Variants in DSCAML1 observed in about 807,000 individuals in gnomAD.
DSCAML1 encodes the protein cell adhesion molecule DSCAML1.
A neutral mutation model predicts 200.5 loss-of-function variants in DSCAML1; 38 were observed. That is an observed-to-expected ratio of 0.19 (90% CI 0.15 to 0.25). The LOEUF (loss-of-function observed/expected upper bound fraction) is 0.25. Ranked by LOEUF, DSCAML1 falls within the 10% of genes least tolerant of loss-of-function variation. The pLI is 1.00. For missense variants in DSCAML1, 2,223 were observed against 2,858.8 expected, an observed-to-expected ratio of 0.78 and a Z score of 5.07; for synonymous variants, 1,215 against 1,165.0, an observed-to-expected ratio of 1.04 and a Z score of -0.87.
At chr11:117,797,323 C>T (rs1172470228), upstream of DSCAML1, 36 of 1,281,700 alleles carry the variant, frequency 2.8e-5, no homozygotes, top group Non-Finnish European at 3.5e-5. Flanking sequence ...TGGTGAGCGC[C>T]GCGCGAGCCC....
intron 2 of DSCAML1, among the ~76,000 whole-genome samples, chr11:117,778,129 G>C (rs919844488): frequency 6.6e-6 from 1 of 152,126 alleles, no homozygotes; most frequent in African/African-American, 2.4e-5. Context: ...GGCTCTTCCC[G>C]GCCCTCCCTC....
intron 3 of DSCAML1, among the ~76,000 whole-genome samples, chr11:117,717,247 C>G: frequency 6.6e-6 from 1 of 152,122 alleles, no homozygotes; most frequent in East Asian, 1.9e-4. Context: ...CTGTGCCCAC[C>G]CTACCGGTCC....
At chr11:117,611,335 T>G (rs982345038) in intron 3 of DSCAML1, 1 of 152,230 alleles carries the variant, frequency 6.6e-6, no homozygotes, top group South Asian at 2.1e-4. Flanking sequence ...GCCAAGGTCT[T>G]GGAGTATGGT....
chr11:117,758,290 A>G (rs1454072277), intron 3 of DSCAML1, among the ~76,000 whole-genome samples: 1 of 143,444 alleles, frequency 7.0e-6, no homozygotes, highest in Middle Eastern at 3.4e-3. Context: ...ACAGAGTGAG[A>G]CTCCATCTCA....
In DSCAML1 at chr11:117,481,422, A is replaced by G. The variant is rs571383140; in HGVS notation, c.2560-152T>C. ...GGCTTTGTCAAGGGCTTCTCTTCCC[A>G]GGGACTTCCAAAGATGGAAGTATGG... On this transcript the variant is annotated intron_variant, in intron 12 of 32. Coordinates refer to ENST00000651296, the MANE Select transcript of DSCAML1 (RefSeq NM_020693.4). 1,168 of 668,550 alleles carry G rather than the reference A, an allele frequency of 1.7e-3. 25 individuals carry two copies. In the Admixed American group the frequency reaches 0.027, roughly 15 times the overall value. 41.4% of individuals were successfully genotyped at this position (668,550 alleles called of 1,614,324 possible).
chr11:117,595,777 TAAAA>T (rs879261803), intron 3 of DSCAML1, among the ~76,000 whole-genome samples: 2 of 143,084 alleles, frequency 1.4e-5, no homozygotes, highest in Non-Finnish European at 1.5e-5. Flanking sequence ...CATGTATGGC[TAAAA>T]AAAAAAAAGT....
intron 3 of DSCAML1, among the ~76,000 whole-genome samples, chr11:117,740,181 T>C (rs1428442109): frequency 2.0e-5 from 3 of 152,116 alleles, no homozygotes; most frequent in Non-Finnish European, 4.4e-5. Context: ...CCCTTACATA[T>C]ATTATTTTAC....
intron 3 of DSCAML1, among the ~76,000 whole-genome samples, chr11:117,758,488 G>A (rs926826873): frequency 1.3e-5 from 2 of 151,744 alleles, no homozygotes; most frequent in African/African-American, 4.8e-5. Context: ...TGCAAGCTCT[G>A]CCTCCCGGGT....
chr11:117,702,018 G>A (rs1352662915), intron 3 of DSCAML1, among the ~76,000 whole-genome samples: 1 of 152,056 alleles, frequency 6.6e-6, no homozygotes, highest in East Asian at 1.9e-4. Context: ...CCAACCCCCT[G>A]ACCTGGTACC....
chr11:117,480,345 T>G lies in DSCAML1; in HGVS notation c.2785+98A>C. ...TGTGTCTAGCTTGGATGGGCAGCCC[T>G]AAGGCTCAGGGGCTCTCCTCCCAGA... On this transcript the variant is annotated intron_variant, in intron 14 of 32. Coordinates refer to ENST00000651296, the MANE Select transcript of DSCAML1 (RefSeq NM_020693.4). The surrounding 1 kb of genome is among the most constrained non-coding windows in gnomAD (Gnocchi z 4.1). 1.9e-6 allele frequency: 3 copies of G among 1,538,972 alleles called. No individual in the cohort carries two copies. The highest frequency in any genetic ancestry group is 2.5e-5 in the South Asian group (2 of 80,538).
At chr11:117,630,733 C>G (rs1035244043) in intron 3 of DSCAML1, among the ~76,000 whole-genome samples, 1 of 148,050 alleles carries the variant, frequency 6.8e-6, no homozygotes, top group Non-Finnish European at 1.5e-5. Flanking sequence ...AACAGGAAGC[C>G]AAGTGACTCC....
chr11:117,624,282 G>A (rs1277278577), intron 3 of DSCAML1, among the ~76,000 whole-genome samples: 1 of 152,124 alleles, frequency 6.6e-6, no homozygotes, highest in Non-Finnish European at 1.5e-5. Flanking sequence ...CCACCTCAGC[G>A]AGGCCTGCAA....
chr11:117,757,887 G>A (rs942591126), intron 3 of DSCAML1, among the ~76,000 whole-genome samples: 3 of 152,176 alleles, frequency 2.0e-5, no homozygotes, highest in African/African-American at 7.2e-5. Context: ...CTACTCAGGA[G>A]GCTGAGTCAG....
At chr11:117,652,964 G>A (rs1013380578) in intron 3 of DSCAML1, among the ~76,000 whole-genome samples, 3 of 152,096 alleles carry the variant, frequency 2.0e-5, no homozygotes, top group South Asian at 4.2e-4. Flanking sequence ...TCTCTCCAAT[G>A]CTATTCCTAG....
chr11:117,780,878 G>A lies in DSCAML1; in HGVS notation c.47-68C>T. On this transcript the variant is annotated intron_variant, in intron 1 of 32. Coordinates refer to ENST00000651296, the MANE Select transcript of DSCAML1 (RefSeq NM_020693.4). The surrounding 1 kb of genome is among the most constrained non-coding windows in gnomAD (Gnocchi z 4.8). The stretch of plus-strand genomic sequence containing the variant: ...TAACAATACCCATATAAGCCACGGA[G>A]GCTTGCGACAGGCTGCACTCATTCA... 7.7e-7 allele frequency: 1 copy of A among 1,296,188 alleles called. No individual in the cohort carries two copies. The highest frequency in any genetic ancestry group is 1.0e-6 in the Non-Finnish European group (1 of 999,682). 80.3% of individuals were successfully genotyped at this position (1,296,188 alleles called of 1,614,324 possible). A position where few individuals can be genotyped will look rare whatever the true frequency, so the allele number is the denominator to read the frequency against.
intron 3 of DSCAML1, among the ~76,000 whole-genome samples, chr11:117,690,229 G>T (rs1057411374): frequency 6.6e-6 from 1 of 152,386 alleles, no homozygotes; most frequent in Non-Finnish European, 1.5e-5. Flanking sequence ...CCTATTAAGA[G>T]CTGGGCACTG....
rs1337564036 is a variant in DSCAML1 at position 117,437,954 on chromosome 11, T to C, written c.4373A>G (p.Lys1458Arg). 6.2e-7 allele frequency: 1 copy of C among 1,613,944 alleles called. No individual in the cohort carries two copies. The highest frequency in any genetic ancestry group is 1.7e-4 in the Middle Eastern group (1 of 6,018). ...GATGCGCCCAGAGCCCACGCTGTTC[T>C]TGGCTGCCAGCTTCACCTTGTACCA... ...GTWYKVKLAA[K>R]NSVGSGRISE... Residue 1458 changes from lysine to arginine, a missense_variant, in exon 25 of 33, where the codon AAG (lysine) becomes AGG (arginine). Around this residue, in one of 7 missense-constraint regions of DSCAML1, gnomAD observed 614 missense variants for 739.1 expected, o/e 0.83. Transcript: ENST00000651296. The surrounding 1 kb of genome is among the most constrained non-coding windows in gnomAD (Gnocchi z 5.3).
chr11:117,724,440 C>G (rs1307211884), intron 3 of DSCAML1, among the ~76,000 whole-genome samples: 1 of 152,202 alleles, frequency 6.6e-6, no homozygotes, highest in East Asian at 1.9e-4. Context: ...GGCACCCTGC[C>G]TGGAGCTAGC....
At chr11:117,449,170 T>G (rs1374582752) in intron 20 of DSCAML1, among the ~76,000 whole-genome samples, 1 of 152,056 alleles carries the variant, frequency 6.6e-6, no homozygotes, top group African/African-American at 2.4e-5. Flanking sequence ...TAATCTATGC[T>G]ATTGAGGTCA....
Sources: allele counts gnomAD v4.1 joint callset (sites outside exome capture counted in the v4.1 genomes callset), GRCh38; gene constraint gnomAD v4.1.1; regional missense constraint gnomAD v4.1.1; non-coding constraint Gnocchi (gnomAD v3.1); transcripts MANE v1.5; gene names NCBI Gene and HGNC (gene_info 2026-07-23, HGNC 2026-07-21).